Variants in TASOR2 observed in about 807,000 individuals in gnomAD.
The protein encoded by TASOR2 is protein TASOR 2.
In TASOR2, 84 loss-of-function variants were observed where a neutral mutation model predicts 199.5. The ratio of observed to expected loss-of-function variants is 0.42; its 90% CI spans 0.35 to 0.50. The LOEUF (loss-of-function observed/expected upper bound fraction) is 0.50. Ranked by LOEUF, TASOR2 falls within the 20% of genes least tolerant of loss-of-function variation. The probability of loss-of-function intolerance (pLI) is 0.02; values close to 1 mark genes in which losing one functional copy is unlikely to be tolerated. For missense variants in TASOR2, 2,796 were observed against 2,835.9 expected (o/e 0.99, Z 0.32); for synonymous variants, 1,103 against 1,046.6 (o/e 1.05, Z -1.04).
chr10:5,693,210 G>A (rs1836690051), intron 1 of TASOR2, among the ~76,000 whole-genome samples: 1 of 152,190 alleles, frequency 6.6e-6, no homozygotes, highest in Non-Finnish European at 1.5e-5. Context: ...AGTGGATTGT[G>A]TGTGGTAGTG....
intron 1 of TASOR2, among the ~76,000 whole-genome samples, chr10:5,688,147 G>A (rs1158732195): frequency 6.6e-6 from 1 of 152,164 alleles, no homozygotes; most frequent in East Asian, 1.9e-4. Context: ...TTAGAAAAGA[G>A]ATGAATATTT....
Position 5,706,334 on chromosome 10 carries a change from T to C in TASOR2, c.-287-6489T>C, listed in dbSNP as rs1381687000. Among the ~76,000 whole-genome samples, 1 of 152,204 alleles carries C rather than the reference T, an allele frequency of 6.6e-6. No homozygotes were observed. The highest frequency in any genetic ancestry group is 1.9e-4 in the East Asian group (1 of 5,202). On this transcript the variant is annotated intron_variant, in intron 1 of 20. Transcript: ENST00000328090. This position sits in a 1 kb window ranked among gnomAD's most constrained non-coding sequence, Gnocchi z 4.8. ...TTGGCTTATATCTTTCTTATATAAA[T>C]TTTAGAATCAGATCATCAGTTTCTG...
intron 20 of TASOR2, 153 bp from the exon 22 acceptor site, chr10:5,762,876 C>T (rs746203264): frequency 2.3e-5 from 16 of 684,040 alleles, no homozygotes; most frequent in Non-Finnish European, 3.9e-5. Context: ...ATCTAATGTG[C>T]ATTTTCACTT....
In TASOR2 at chr10:5,740,732, A is replaced by G. The variant is rs1836290086; in HGVS notation, c.2327+235A>G. 6.6e-6 allele frequency among the ~76,000 whole-genome samples: 1 copy of G among 152,228 alleles called. No homozygotes were observed. Among genetic ancestry groups the G allele is most frequent in the South Asian group, 2.1e-4 (1 of 4,830 alleles). On this transcript the variant is annotated intron_variant, in intron 13 of 20. Coordinates refer to ENST00000328090, the Ensembl canonical transcript of TASOR2. The surrounding 1 kb of genome is among the most constrained non-coding windows in gnomAD (Gnocchi z 5.3). ...TTTAAAGATAATTTTAGCCTAATGA[A>G]TAGCTTTCCATTTTGCAATGCTCCC...
At chr10:5,697,236 G>A (rs1554752831) in intron 1 of TASOR2, among the ~76,000 whole-genome samples, 1 of 152,202 alleles carries the variant, frequency 6.6e-6, no homozygotes, top group Non-Finnish European at 1.5e-5. Context: ...AATGGGGGCA[G>A]AGAACGAGGT....
intron 11 of TASOR2, among the ~76,000 whole-genome samples, chr10:5,734,301 C>T (rs1835253448): frequency 6.6e-6 from 1 of 152,188 alleles, no homozygotes; most frequent in Non-Finnish European, 1.5e-5. Flanking sequence ...CAAAGCAGAG[C>T]GCTTCTAAGA....
chr10:5,746,118 A>T, intron 14 of TASOR2, 61 bp from the exon 16 acceptor site: 1 of 1,475,032 alleles, frequency 6.8e-7, no homozygotes, highest in Non-Finnish European at 9.0e-7. Flanking sequence ...ATGTACATAT[A>T]ATCGTATAAA....
At chr10:5,714,018 T>C (rs1224755319) in intron 2 of TASOR2, 117 bp from the exon 3 acceptor site, 2 of 463,664 alleles carry the variant, frequency 4.3e-6, no homozygotes, top group Non-Finnish European at 6.8e-6. Context: ...CTGGGCAATA[T>C]AGTGAGACCT....
chr10:5,729,884 A>C (rs978000970), intron 10 of TASOR2, among the ~76,000 whole-genome samples: 3 of 43,070 alleles, frequency 7.0e-5, no homozygotes, highest in African/African-American at 3.2e-4. Context: ...TTAGCACTTC[A>C]GTCAAAGCAG....
exon 15 of TASOR2, chr10:5,747,040 G>A: frequency 6.2e-7 from 1 of 1,614,142 alleles, no homozygotes; most frequent in Non-Finnish European, 8.5e-7. Context: ...GGTTGAAGTG[G>A]ACTCATCATC....
intron 12 of TASOR2, among the ~76,000 whole-genome samples, chr10:5,736,397 G>A (rs1266103260): frequency 2.7e-5 from 4 of 145,840 alleles, no homozygotes; most frequent in Non-Finnish European, 6.0e-5. Flanking sequence ...CAGTCTGGGC[G>A]ACAGAGCGAG....
rs1415282722 is a variant in TASOR2 at position 5,752,800 on chromosome 10, C to G, written c.6606+2773C>G. ...AGCCTCCTTGTGCCAGAGGGCTGGT[C>G]AGAGTGAGTGAGCCATGTCAGCCAG... is the stretch of plus-strand genomic sequence containing the variant. On this transcript the variant is annotated intron_variant, in intron 15 of 20. Transcript: ENST00000328090. The surrounding 1 kb of genome is among the most constrained non-coding windows in gnomAD (Gnocchi z 4.4). Among the ~76,000 whole-genome samples the G allele has an allele frequency of 6.6e-6, 1 of 152,170 alleles. No homozygotes were observed. Among genetic ancestry groups the G allele is most frequent in the Non-Finnish European group, 1.5e-5 (1 of 68,026 alleles).
chr10:5,763,146 C>T, exon 21 of TASOR2: 1 of 970,360 alleles, frequency 1.0e-6, no homozygotes, highest in African/African-American at 1.7e-5. Flanking sequence ...TTTGAAAAAC[C>T]AATGTTCTAC....
chr10:5,747,671 A>G (rs1837406665), exon 15 of TASOR2: 2 of 1,614,090 alleles, frequency 1.2e-6, no homozygotes, highest in Admixed American at 1.7e-5. Flanking sequence ...ACACGACCAT[A>G]TCAGGCTGTG....
chr10:5,761,283 T>C lies in TASOR2; in HGVS notation c.6993-7T>C, dbSNP rs755104467. On this transcript the variant is annotated splice_polypyrimidine_tract_variant and splice_region_variant and intron_variant, in intron 18 of 20. Transcript: ENST00000328090. ...AATATTTTAATATGCCTATGTATCTTTCACAGAGTGGATTCAACTGCACAT... is the reference window on the plus strand; with the variant it reads ...AATATTTTAATATGCCTATGTATCTCTCACAGAGTGGATTCAACTGCACAT... 5 of 1,609,132 alleles carry C rather than the reference T, an allele frequency of 3.1e-6. No homozygotes were observed. Among genetic ancestry groups the C allele is most frequent in the Non-Finnish European group, 4.2e-6 (5 of 1,177,680 alleles).
chr10:5,742,204 G>A lies in TASOR2; in HGVS notation c.2435G>A (p.Arg812Gln), dbSNP rs750186074. ...CAGAACAAAATCATACGATCTTCCC[G>A]AAAGGTTGTAGAACACAGCAACCCA... The change falls in exon 14 of 21, where the codon CGA becomes CAA. Residue 812 changes from arginine to glutamine, a missense_variant. Around this residue, in one of 3 missense-constraint regions of TASOR2, gnomAD observed 1,941 missense variants for 1,924.9 expected, o/e 1.01. Coordinates refer to ENST00000328090, the Ensembl canonical transcript of TASOR2. This position sits in a 1 kb window ranked among gnomAD's most constrained non-coding sequence, Gnocchi z 4.2. The A allele has an allele frequency of 9.3e-6, 15 of 1,614,028 alleles. No homozygotes were observed. The highest frequency in any genetic ancestry group is 1.3e-5 in the African/African-American group (1 of 74,908).
chr10:5,750,016 G>T lies in TASOR2; in HGVS notation c.6595G>T (p.Val2199Leu). ...CGAAACAGAAGACAAATCATTCTTT[G>T]TAAGAACAAAGGTAAAGTGCCAGCC... The change falls in exon 15 of 21, where the codon GTA becomes TTA. Residue 2199 changes from valine to leucine, a missense_variant. This residue lies in a region of TASOR2 where 1,941 missense variants were observed against 1,924.9 expected (regional missense o/e 1.01). Coordinates refer to ENST00000328090, the Ensembl canonical transcript of TASOR2. This position sits in a 1 kb window ranked among gnomAD's most constrained non-coding sequence, Gnocchi z 5.4. 1 of 1,596,566 alleles carries T rather than the reference G, an allele frequency of 6.3e-7. No individual in the cohort carries two copies. Among genetic ancestry groups the T allele is most frequent in the South Asian group, 1.1e-5 (1 of 88,042 alleles).
At chr10:5,739,556 T>A (rs1588833890) in intron 12 of TASOR2, 62 bp from the exon 14 acceptor site, 1 of 1,451,742 alleles carries the variant, frequency 6.9e-7, no homozygotes, top group East Asian at 2.3e-5. Context: ...CATAGTAATA[T>A]GGCAGAGAGT....
In TASOR2 at chr10:5,699,080, A is replaced by G. The variant is rs1020083439; in HGVS notation, c.-287-13743A>G. Among the ~76,000 whole-genome samples the G allele has an allele frequency of 6.6e-6, 1 of 152,208 alleles. No homozygotes were observed. Among genetic ancestry groups the G allele is most frequent in the African/African-American group, 2.4e-5 (1 of 41,454 alleles). On this transcript the variant is annotated intron_variant, in intron 1 of 20. Coordinates refer to ENST00000328090, the Ensembl canonical transcript of TASOR2. The surrounding 1 kb of genome is among the most constrained non-coding windows in gnomAD (Gnocchi z 4.1). Reference sequence around the variant, plus strand: ...ATAGCCAAAATGTAGAAACAACCCAAATGTGCATCAGTTGATGGATAAACA... The same window carrying G: ...ATAGCCAAAATGTAGAAACAACCCAGATGTGCATCAGTTGATGGATAAACA...
Sources: allele counts gnomAD v4.1 joint callset (sites outside exome capture counted in the v4.1 genomes callset), GRCh38; gene constraint gnomAD v4.1.1; regional missense constraint gnomAD v4.1.1; non-coding constraint Gnocchi (gnomAD v3.1); transcripts MANE v1.5; gene names NCBI Gene and HGNC (gene_info 2026-07-23, HGNC 2026-07-21).